The following ARPP21 variants were observed in gnomAD, a reference collection of about 807,000 sequenced individuals.
The protein encoded by ARPP21 is cAMP-regulated phosphoprotein 21.
ARPP21 carries 69 observed loss-of-function variants against 113.2 expected under a neutral mutation model. The observed-to-expected ratio is 0.61, with a 90% confidence interval of 0.50 to 0.74. The LOEUF is 0.74. Among genes scored for constraint, ARPP21 ranks in the 30% least tolerant of loss-of-function variants. ARPP21 has a pLI of 0.00. For missense variants in ARPP21, 1,070 were observed against 1,037.4 expected, an observed-to-expected ratio of 1.03 and a Z score of -0.43; for synonymous variants, 368 against 375.5, an observed-to-expected ratio of 0.98 and a Z score of 0.23.
At chr3:35,712,714 T>C (rs967134093) in intron 11 of ARPP21, among the ~76,000 whole-genome samples, 2 of 152,174 alleles carry the variant, frequency 1.3e-5, no homozygotes, top group Non-Finnish European at 2.9e-5. Flanking sequence ...TTCTTCATTA[T>C]TTGAGAACTA....
chr3:35,748,675 A>G (rs1246447369), intron 19 of ARPP21, among the ~76,000 whole-genome samples: 2 of 152,252 alleles, frequency 1.3e-5, no homozygotes, highest in African/African-American at 4.8e-5. Context: ...TGATGAACAA[A>G]CATTTCATTC....
At chr3:35,682,639 TAA>T (rs3215210) in intron 3 of ARPP21, among the ~76,000 whole-genome samples, 15,776 of 151,754 alleles carry the variant, frequency 0.1, 861 homozygotes, top group Non-Finnish European at 0.12. Context: ...AGAAAAGAGC[TAA>T]AAGTTAGTCA....
intron 14 of ARPP21, among the ~76,000 whole-genome samples, chr3:35,724,965 G>A (rs896905160): frequency 2.6e-5 from 4 of 152,116 alleles, no homozygotes; most frequent in African/African-American, 9.7e-5. Flanking sequence ...AAGAAAAATT[G>A]CACCAGATGG....
chr3:35,721,459 T>C, intron 13 of ARPP21, 146 bp from the exon 14 acceptor site: 1 of 612,118 alleles, frequency 1.6e-6, no homozygotes, highest in Non-Finnish European at 3.0e-6. Context: ...TTTGTAACAC[T>C]GGGAGGCAAC....
At chr3:35,741,866 G>T (rs1029303177) in intron 18 of ARPP21, among the ~76,000 whole-genome samples, 2 of 152,126 alleles carry the variant, frequency 1.3e-5, no homozygotes, top group Admixed American at 6.5e-5. Context: ...GTTAGACCAA[G>T]ATCTCATTTG....
chr3:35,711,100 A>G (rs2150078749), intron 11 of ARPP21, among the ~76,000 whole-genome samples: 1 of 152,272 alleles, frequency 6.6e-6, no homozygotes, highest in Non-Finnish European at 1.5e-5. Flanking sequence ...TCTCTGTAGG[A>G]ATAGAGGTGT....
chr3:35,752,116 T>A (rs2095424400), intron 19 of ARPP21, among the ~76,000 whole-genome samples: 1 of 151,984 alleles, frequency 6.6e-6, no homozygotes, highest in African/African-American at 2.4e-5. Flanking sequence ...TGCAGATAAA[T>A]CAGGTTGCAA....
chr3:35,749,501 TG>T (rs746263461), intron 19 of ARPP21, among the ~76,000 whole-genome samples: 3 of 150,598 alleles, frequency 2.0e-5, no homozygotes, highest in East Asian at 1.9e-4. Flanking sequence ...AAATGGGAAT[TG>T]GGGGAAGAAG....
intron 1 of ARPP21, among the ~76,000 whole-genome samples, chr3:35,668,190 C>T (rs186242621): frequency 5.5e-4 from 84 of 152,000 alleles, no homozygotes; most frequent in African/African-American, 2.0e-3. Flanking sequence ...GAAGAGTATT[C>T]CTAAATATAG....
intron 11 of ARPP21, among the ~76,000 whole-genome samples, chr3:35,714,792 T>C (rs2092099939): frequency 6.6e-6 from 1 of 152,134 alleles, no homozygotes; most frequent in Non-Finnish European, 1.5e-5. Context: ...AGAAAGTCAT[T>C]GATTTTCTAT....
intron 17 of ARPP21, among the ~76,000 whole-genome samples, chr3:35,738,839 A>G (rs1193284961): frequency 6.6e-6 from 1 of 152,218 alleles, no homozygotes. Flanking sequence ...TCATATAGTA[A>G]TATAATCCCA....
intron 14 of ARPP21, among the ~76,000 whole-genome samples, chr3:35,722,460 A>G (rs2150326943): frequency 6.6e-6 from 1 of 152,368 alleles, no homozygotes; most frequent in East Asian, 1.9e-4. Flanking sequence ...GTCAGTATAC[A>G]CAAAGCAACT....
chr3:35,660,921 G>GA (rs1370162990), intron 1 of ARPP21, among the ~76,000 whole-genome samples: 1 of 152,066 alleles, frequency 6.6e-6, no homozygotes, highest in Non-Finnish European at 1.5e-5. Context: ...CATACTTACT[G>GA]AAAAACAAAG....
chr3:35,763,181 C>T (rs1003867302), intron 19 of ARPP21, among the ~76,000 whole-genome samples: 3 of 152,010 alleles, frequency 2.0e-5, no homozygotes, highest in Non-Finnish European at 4.4e-5. Flanking sequence ...CTTCAAAAGT[C>T]TCTGATCTAA....
intron 12 of ARPP21, among the ~76,000 whole-genome samples, chr3:35,716,479 G>A (rs181148819): frequency 6.6e-6 from 1 of 152,026 alleles, no homozygotes; most frequent in African/African-American, 2.4e-5. Flanking sequence ...CCCCTTAATA[G>A]AATAACCTCT....
At chr3:35,667,965 A>AGAG (rs1559549147) in intron 1 of ARPP21, among the ~76,000 whole-genome samples, 1 of 105,438 alleles carries the variant, frequency 9.5e-6, no homozygotes, top group Non-Finnish European at 2.0e-5. Flanking sequence ...AAGAAGAAGA[A>AGAG]GAAGAAGAAG....
intron 8 of ARPP21, among the ~76,000 whole-genome samples, 192 bp from the exon 9 acceptor site, chr3:35,690,673 T>G (rs1053855171): frequency 6.6e-6 from 1 of 151,690 alleles, no homozygotes; most frequent in Non-Finnish European, 1.5e-5. Flanking sequence ...AAGATGTTTA[T>G]TGTGGCTTAA....
chr3:35,766,627 G>A (rs536817069), intron 19 of ARPP21, among the ~76,000 whole-genome samples: 79 of 152,238 alleles, frequency 5.2e-4, no homozygotes, highest in Admixed American at 5.2e-4. Context: ...TGTGGGCAGA[G>A]GCAAAGCTAA....
At chr3:35,693,539 C>A (rs2082892284) in intron 9 of ARPP21, among the ~76,000 whole-genome samples, 1 of 151,644 alleles carries the variant, frequency 6.6e-6, no homozygotes, top group Non-Finnish European at 1.5e-5. Context: ...GAACCTGAAT[C>A]ATTGTCAGCA....
Sources: gnomAD v4.1 joint callset for allele counts (sites outside exome capture counted in the v4.1 genomes callset) on GRCh38, gnomAD v4.1.1 for gene constraint, MANE v1.5 for transcripts, NCBI Gene and HGNC (gene_info 2026-07-23, HGNC 2026-07-21) for gene names.